Variants in KCNQ5 observed in about 807,000 individuals in gnomAD.
The protein encoded by KCNQ5 is potassium voltage-gated channel subfamily KQT member 5.
In KCNQ5, 30 loss-of-function variants were observed where a neutral mutation model predicts 98.2. The observed-to-expected ratio is 0.31, with a 90% CI of 0.23 to 0.41. The LOEUF (loss-of-function observed/expected upper bound fraction) is 0.41, where lower values mean the gene tolerates loss of function less well. Ranked by LOEUF, KCNQ5 falls within the 10% of genes least tolerant of loss-of-function variation. The pLI, the probability that KCNQ5 is intolerant of heterozygous loss-of-function variation, is 1.00. For synonymous variants in KCNQ5, 458 were observed against 449.4 expected, an observed-to-expected ratio of 1.02 and a Z score of -0.24; for missense variants, 835 against 1,182.5, an observed-to-expected ratio of 0.71 and a Z score of 4.31.
rs55995543 is a variant in KCNQ5, at chr6:73,063,686, T to TAGATGATAGATAGATAGATA, written c.617-13636_617-13635insAGATGATAGATAGATAGATA. Among the ~76,000 whole-genome samples, 148 of 93,274 alleles carry TAGATGATAGATAGATAGATA rather than the reference T, an allele frequency of 1.6e-3. 6 individuals are homozygous for TAGATGATAGATAGATAGATA. The highest frequency in any genetic ancestry group is 4.6e-3 in the South Asian group (10 of 2,174). 61.2% of individuals were successfully genotyped at this position (93,274 alleles called of 152,430 possible). A position where few individuals can be genotyped will look rare whatever the true frequency, so the allele number is the denominator to read the frequency against. ...GATAGATGATAGATAGATAGATAGA[T>TAGATGATAGATAGATAGATA]GATAGATAGATAGATAGATAGATAG... On this transcript the variant is annotated intron_variant, in intron 3 of 13. Coordinates refer to ENST00000370398, the MANE Select transcript of KCNQ5 (RefSeq NM_019842.4).
At chr6:72,692,156 C>G (rs1420783197) in intron 1 of KCNQ5, among the ~76,000 whole-genome samples, 1 of 152,194 alleles carries the variant, frequency 6.6e-6, no homozygotes, top group Admixed American at 6.5e-5. Context: ...GTTCATTACT[C>G]CTTTATGAGC....
chr6:72,655,022 GTCTGTCTTTCTTTCTTTCTT>G lies in KCNQ5; in HGVS notation c.398+32439_398+32458del, dbSNP rs1312847439. Among the ~76,000 whole-genome samples, 434 of 119,056 alleles carry G rather than the reference GTCTGTCTTTCTTTCTTTCTT, an allele frequency of 3.6e-3. 8 individuals are homozygous for G. The highest frequency in any genetic ancestry group is 0.011 in the African/African-American group (366 of 32,784). 78.1% of individuals were successfully genotyped at this position (119,056 alleles called of 152,430 possible). On this transcript the variant is annotated intron_variant, in intron 1 of 13. Coordinates refer to ENST00000370398, the MANE Select transcript of KCNQ5 (RefSeq NM_019842.4). The stretch of plus-strand genomic sequence containing the variant: ...TTTCCATGTTTAATAGCCAAGGTCT[GTCTGTCTTTCTTTCTTTCTT>G]TCTTTCTTTCTTTCTTTCTTTCTTT...
intron 1 of KCNQ5, among the ~76,000 whole-genome samples, chr6:72,754,435 A>G (rs959275387): frequency 3.3e-5 from 5 of 152,206 alleles, no homozygotes; most frequent in African/African-American, 1.2e-4. Context: ...AGCATATTTT[A>G]TATCAGCGCT....
intron 1 of KCNQ5, among the ~76,000 whole-genome samples, chr6:72,841,972 TTGTC>T (rs1776815857): frequency 6.6e-6 from 1 of 152,186 alleles, no homozygotes; most frequent in Non-Finnish European, 1.5e-5. Flanking sequence ...TGCTATCACA[TTGTC>T]TGTTGCTTAA....
intron 1 of KCNQ5, among the ~76,000 whole-genome samples, chr6:72,798,929 C>CAT (rs1191436195): frequency 6.6e-6 from 1 of 151,760 alleles, no homozygotes; most frequent in African/African-American, 2.4e-5. Flanking sequence ...TTTATGAATG[C>CAT]ATATATATGT....
intron 1 of KCNQ5, among the ~76,000 whole-genome samples, chr6:72,766,913 G>A (rs187981858): frequency 6.6e-6 from 1 of 152,050 alleles, no homozygotes; most frequent in African/African-American, 2.4e-5. Context: ...ACAGCATAAA[G>A]ATGGTATTTA....
chr6:72,655,072 CTTTCTTTCTTTCTTTCTTTCTTTCTGTT>C lies in KCNQ5; in HGVS notation c.398+32499_398+32526del, dbSNP rs1278195796. On this transcript the variant is annotated intron_variant, in intron 1 of 13. Coordinates refer to ENST00000370398, the MANE Select transcript of KCNQ5 (RefSeq NM_019842.4). ...TCTTTCTTTCTTTCTTTCTTTCTTT[CTTTCTTTCTTTCTTTCTTTCTTTCTGTT>C]TTTCTTTCTTTCTCTCAGAAAAGAA... Among the ~76,000 whole-genome samples, 449 of 148,536 alleles carry C rather than the reference CTTTCTTTCTTTCTTTCTTTCTTTCTGTT, an allele frequency of 3.0e-3. 2 individuals are homozygous for C. The highest frequency in any genetic ancestry group is 5.4e-3 in the Non-Finnish European group (364 of 67,032).
intron 1 of KCNQ5, among the ~76,000 whole-genome samples, chr6:72,755,771 T>C (rs981932535): frequency 6.6e-6 from 1 of 152,228 alleles, no homozygotes; most frequent in African/African-American, 2.4e-5. Flanking sequence ...ATCCTTTATA[T>C]GTACCTTTAT....
intron 1 of KCNQ5, among the ~76,000 whole-genome samples, chr6:72,856,471 T>TATAC (rs143831566): frequency 1.3e-4 from 20 of 149,020 alleles, no homozygotes; most frequent in East Asian, 4.0e-4. Flanking sequence ...CACACATATA[T>TATAC]ACACACACAC....
chr6:72,956,489 CTT>C (rs35114790), intron 1 of KCNQ5, among the ~76,000 whole-genome samples: 32,191 of 111,748 alleles, frequency 0.29, 3,959 homozygotes, highest in East Asian at 0.48. Context: ...TTTCTTTTTT[CTT>C]TTTTTTTTTT....
At chr6:72,701,249 A>T (rs900200127) in intron 1 of KCNQ5, among the ~76,000 whole-genome samples, 5 of 152,236 alleles carry the variant, frequency 3.3e-5, no homozygotes, top group Non-Finnish European at 7.3e-5. Flanking sequence ...AATCAGCCAA[A>T]TTGTTTTACT....
intron 2 of KCNQ5, among the ~76,000 whole-genome samples, chr6:73,011,642 T>C (rs113467018): frequency 6.6e-6 from 1 of 151,972 alleles, no homozygotes; most frequent in African/African-American, 2.4e-5. Context: ...AAATTTAAAA[T>C]GTTTGTGCAT....
intron 5 of KCNQ5, among the ~76,000 whole-genome samples, chr6:73,080,784 AAATAT>A (rs1773731602): frequency 6.6e-6 from 1 of 152,168 alleles, no homozygotes; most frequent in Non-Finnish European, 1.5e-5. Flanking sequence ...TTAAGTATCA[AAATAT>A]AGGTTTTGTT....
intron 1 of KCNQ5, among the ~76,000 whole-genome samples, chr6:72,917,110 C>T (rs1294776603): frequency 1.3e-5 from 2 of 152,042 alleles, no homozygotes; most frequent in African/African-American, 4.8e-5. Context: ...GGAGAGGAGC[C>T]CAGGGTGCTG....
intron 1 of KCNQ5, among the ~76,000 whole-genome samples, chr6:72,835,785 T>C (rs1222440679): frequency 6.6e-6 from 1 of 152,198 alleles, no homozygotes; most frequent in African/African-American, 2.4e-5. Context: ...TCCCAAGCTC[T>C]TTAACCATTA....
intron 1 of KCNQ5, among the ~76,000 whole-genome samples, chr6:72,908,773 A>T (rs1220884366): frequency 6.6e-6 from 1 of 152,168 alleles, no homozygotes; most frequent in African/African-American, 2.4e-5. Context: ...AAGTTCTGTA[A>T]ATTGATATGT....
At chr6:72,919,913 A>G (rs1026842927) in intron 1 of KCNQ5, among the ~76,000 whole-genome samples, 2 of 152,140 alleles carry the variant, frequency 1.3e-5, no homozygotes, top group African/African-American at 4.8e-5. Flanking sequence ...TGGAGCCAAG[A>G]GCCTAAGCCC....
At chr6:73,087,817 C>T (rs1299587548) in intron 5 of KCNQ5, among the ~76,000 whole-genome samples, 2 of 152,046 alleles carry the variant, frequency 1.3e-5, no homozygotes, top group African/African-American at 4.8e-5. Context: ...GAGCTGAATG[C>T]TTCTGAAAGG....
chr6:73,128,365 G>C (rs994577051), intron 9 of KCNQ5, among the ~76,000 whole-genome samples: 1 of 152,118 alleles, frequency 6.6e-6, no homozygotes, highest in African/African-American at 2.4e-5. Flanking sequence ...AAAATTAGTT[G>C]GAAAAGTCAT....
Sources: gnomAD v4.1 joint callset for allele counts (sites outside exome capture counted in the v4.1 genomes callset) on GRCh38, gnomAD v4.1.1 for gene constraint, MANE v1.5 for transcripts, NCBI Gene and HGNC (gene_info 2026-07-23, HGNC 2026-07-21) for gene names.